The following PDE3B variants were observed in gnomAD, a reference collection of about 807,000 sequenced individuals.
The protein encoded by PDE3B is phosphodiesterase 3B.
PDE3B carries 66 observed loss-of-function variants against 116.8 expected under a neutral mutation model. The ratio of observed to expected loss-of-function variants is 0.56; its 90% CI spans 0.46 to 0.69. The LOEUF (loss-of-function observed/expected upper bound fraction) is 0.69. PDE3B is among the 30% of genes least tolerant of loss of function. The probability of loss-of-function intolerance (pLI) is 0.00; values close to 1 mark genes in which losing one functional copy is unlikely to be tolerated. For missense variants in PDE3B, 1,384 were observed against 1,368.1 expected (o/e 1.01, Z -0.18); for synonymous variants, 595 against 533.6 (o/e 1.12, Z -1.59).
chr11:14,806,229 G>A (rs1307710803), intron 5 of PDE3B, among the ~76,000 whole-genome samples: 1 of 151,290 alleles, frequency 6.6e-6, no homozygotes, highest in Non-Finnish European at 1.5e-5. Flanking sequence ...AAGGCAGGCG[G>A]ATCATGAGGT....
At chr11:14,766,133 A>C (rs1857487620) in intron 1 of PDE3B, among the ~76,000 whole-genome samples, 1 of 151,790 alleles carries the variant, frequency 6.6e-6, no homozygotes, top group African/African-American at 2.4e-5. Flanking sequence ...AAAACTAAAA[A>C]ATTAAAATAT....
At chr11:14,891,884 G>T in the PDE3B span, 5 of 1,463,756 alleles carry the variant, frequency 3.4e-6, no homozygotes, top group South Asian at 6.5e-5. Flanking sequence ...GTCCCGACTA[G>T]TCGGCCCAGG....
intron 11 of PDE3B, among the ~76,000 whole-genome samples, chr11:14,840,557 C>T (rs768823623): frequency 1.5e-4 from 23 of 152,188 alleles, no homozygotes; most frequent in Non-Finnish European, 2.1e-4. Flanking sequence ...TCCATAGTTA[C>T]GGCTTTGTGG....
intron 1 of PDE3B, among the ~76,000 whole-genome samples, chr11:14,690,845 G>C (rs190996492): frequency 3.5e-4 from 53 of 152,164 alleles, no homozygotes; most frequent in Non-Finnish European, 7.1e-4. Flanking sequence ...GGGAAGTGGA[G>C]GTTGTGTACT....
At chr11:14,862,023 G>T (rs1475240838) in intron 14 of PDE3B, among the ~76,000 whole-genome samples, 1 of 152,156 alleles carries the variant, frequency 6.6e-6, no homozygotes, top group East Asian at 1.9e-4. Context: ...CCAGCCCAGT[G>T]TTCATGGAAG....
intron 14 of PDE3B, 86 bp from the exon 15 acceptor site, chr11:14,867,420 A>T: frequency 2.5e-6 from 3 of 1,183,756 alleles, no homozygotes; most frequent in Non-Finnish European, 3.6e-6. Flanking sequence ...GTTTATTTTA[A>T]AAAAACTCAA....
At chr11:14,880,409 G>A in the PDE3B span, 4 of 1,613,266 alleles carry the variant, frequency 2.5e-6, no homozygotes, top group Admixed American at 1.7e-5. Flanking sequence ...AGCTGTTGAT[G>A]TTTTCCAAAA....
At chr11:14,851,131 G>A (rs886956314) in intron 12 of PDE3B, among the ~76,000 whole-genome samples, 8 of 151,896 alleles carry the variant, frequency 5.3e-5, no homozygotes, top group Non-Finnish European at 7.4e-5. Flanking sequence ...CCCTAAATAC[G>A]TGGTTTTAAG....
chr11:14,722,246 C>G (rs1856135986), intron 1 of PDE3B, among the ~76,000 whole-genome samples: 1 of 151,590 alleles, frequency 6.6e-6, no homozygotes, highest in South Asian at 2.1e-4. Context: ...ACCAACATGG[C>G]ACATGTATAC....
At chr11:14,806,466 C>T (rs1482274344) in intron 5 of PDE3B, among the ~76,000 whole-genome samples, 1 of 149,444 alleles carries the variant, frequency 6.7e-6, no homozygotes, top group Non-Finnish European at 1.5e-5. Flanking sequence ...AAAAATCATG[C>T]TACTATAAAG....
At chr11:14,696,280 G>A (rs1018480334) in intron 1 of PDE3B, among the ~76,000 whole-genome samples, 9 of 151,988 alleles carry the variant, frequency 5.9e-5, no homozygotes, top group African/African-American at 1.9e-4. Context: ...GCTGTTTTTC[G>A]TATGTCTGTT....
chr11:14,657,788 C>T (rs1853759455), intron 1 of PDE3B, among the ~76,000 whole-genome samples: 1 of 152,110 alleles, frequency 6.6e-6, no homozygotes, highest in African/African-American at 2.4e-5. Flanking sequence ...AATAATAAAA[C>T]AGGCAGTGCA....
At chr11:14,726,687 A>G (rs1010009277) in intron 1 of PDE3B, among the ~76,000 whole-genome samples, 9 of 152,180 alleles carry the variant, frequency 5.9e-5, no homozygotes, top group African/African-American at 1.7e-4. Context: ...CTAAGGACAC[A>G]GCTTTGTTGG....
chr11:14,682,020 C>A (rs1009227017), intron 1 of PDE3B, among the ~76,000 whole-genome samples: 2 of 152,128 alleles, frequency 1.3e-5, no homozygotes, highest in African/African-American at 4.8e-5. Flanking sequence ...ATACTATATT[C>A]TTACAATAAA....
At chr11:14,879,125 G>A in the PDE3B span, 1 of 1,612,958 alleles carries the variant, frequency 6.2e-7, no homozygotes, top group Non-Finnish European at 8.5e-7. Flanking sequence ...TAGGGAAAAA[G>A]GAACCAAAGC....
At chr11:14,695,465 C>A (rs895191267) in intron 1 of PDE3B, among the ~76,000 whole-genome samples, 3 of 151,918 alleles carry the variant, frequency 2.0e-5, no homozygotes, top group African/African-American at 7.2e-5. Context: ...TGGCTATATA[C>A]AAGGAGTGGG....
intron 13 of PDE3B, among the ~76,000 whole-genome samples, chr11:14,860,533 ATATT>A (rs1267919449): frequency 3.3e-5 from 5 of 152,264 alleles, no homozygotes; most frequent in African/African-American, 7.2e-5. Flanking sequence ...TTAAATAACA[ATATT>A]TAACATTTTC....
At chr11:14,677,089 A>G (rs1274678838) in intron 1 of PDE3B, among the ~76,000 whole-genome samples, 1 of 152,094 alleles carries the variant, frequency 6.6e-6, no homozygotes, top group Non-Finnish European at 1.5e-5. Flanking sequence ...AATTGGTAGT[A>G]TATTTGTTGG....
intron 1 of PDE3B, among the ~76,000 whole-genome samples, chr11:14,698,419 T>C (rs1855272932): frequency 6.6e-6 from 1 of 151,960 alleles, no homozygotes; most frequent in Non-Finnish European, 1.5e-5. Context: ...AGGTTTATTT[T>C]TGAATGTTGA....
Sources: allele counts gnomAD v4.1 joint callset (sites outside exome capture counted in the v4.1 genomes callset), GRCh38; gene constraint gnomAD v4.1.1; transcripts MANE v1.5; gene names NCBI Gene and HGNC (gene_info 2026-07-23, HGNC 2026-07-21).